GSE1: variants seen among roughly 807,000 people sequenced by gnomAD.
GSE1 encodes the protein Gse1 coiled-coil protein.
GSE1 carries 32 observed loss-of-function variants against 112.6 expected under a neutral mutation model. The ratio of observed to expected loss-of-function variants is 0.28; its 90% confidence interval spans 0.21 to 0.38. GSE1 has a LOEUF of 0.38. Among genes scored for constraint, GSE1 ranks in the 10% least tolerant of loss-of-function variants. The pLI is 1.00. For synonymous variants in GSE1, 1,115 were observed against 735.6 expected (o/e 1.52, Z -8.35); for missense variants, 2,348 against 1,699.2 (o/e 1.38, Z -6.71).
intron 1 of GSE1, among the ~76,000 whole-genome samples, chr16:85,207,207 G>GCA (rs757559515): frequency 2.3e-4 from 35 of 152,296 alleles, no homozygotes; most frequent in Non-Finnish European, 4.3e-4. Context: ...CCTCCCAAGG[G>GCA]CACTGCTCCC....
At chr16:85,629,925 GT>G (rs2049401311) in intron 1 of GSE1, among the ~76,000 whole-genome samples, 1 of 152,182 alleles carries the variant, frequency 6.6e-6, no homozygotes, top group Non-Finnish European at 1.5e-5. Flanking sequence ...CAAAACCTTT[GT>G]TATCTCAGTT....
intron 2 of GSE1, among the ~76,000 whole-genome samples, chr16:85,387,920 G>GTGGATGGATGGA (rs58007210): frequency 2.2e-4 from 33 of 149,076 alleles, no homozygotes; most frequent in African/African-American, 7.8e-4. Flanking sequence ...AGGTGGGTGA[G>GTGGATGGATGGA]TGGATGGATG....
At chr16:85,346,416 TG>T in intron 1 of GSE1, among the ~76,000 whole-genome samples, 1 of 75,236 alleles carries the variant, frequency 1.3e-5, no homozygotes, top group South Asian at 7.4e-4. Flanking sequence ...GGCGGGTGGA[TG>T]GGTGATGGAC....
At chr16:85,251,081 G>A (rs1384071334) in intron 1 of GSE1, among the ~76,000 whole-genome samples, 1 of 152,232 alleles carries the variant, frequency 6.6e-6, no homozygotes, top group Non-Finnish European at 1.5e-5. Flanking sequence ...TGTTTGGGCT[G>A]CTCCCACTCT....
intron 1 of GSE1, among the ~76,000 whole-genome samples, chr16:85,623,274 G>A (rs534318363): frequency 1.4e-5 from 2 of 147,620 alleles, no homozygotes; most frequent in African/African-American, 2.5e-5. Context: ...CAGTGCAGTC[G>A]CGCAATCACA....
At chr16:85,515,454 T>G (rs34335274) in intron 2 of GSE1, among the ~76,000 whole-genome samples, 49,692 of 152,050 alleles carry the variant, frequency 0.33, 8,305 homozygotes, top group East Asian at 0.49. Context: ...GGGGTCACCC[T>G]GAGAGTCTGC....
intron 1 of GSE1, among the ~76,000 whole-genome samples, chr16:85,244,527 A>G (rs1217227329): frequency 6.6e-6 from 1 of 152,198 alleles, no homozygotes; most frequent in Non-Finnish European, 1.5e-5. Flanking sequence ...CATTTGTTAC[A>G]ACAGCCACAG....
chr16:85,256,657 C>T (rs1907114540), intron 1 of GSE1, among the ~76,000 whole-genome samples: 1 of 152,290 alleles, frequency 6.6e-6, no homozygotes, highest in South Asian at 2.1e-4. Context: ...TGCCTGAACA[C>T]ACCCACCAGC....
At chr16:85,428,242 G>A (rs546988245) in intron 2 of GSE1, among the ~76,000 whole-genome samples, 37 of 152,264 alleles carry the variant, frequency 2.4e-4, no homozygotes, top group South Asian at 4.1e-4. Flanking sequence ...GTCCAGCCCC[G>A]GCCCTGGGCT....
intron 1 of GSE1, among the ~76,000 whole-genome samples, chr16:85,205,298 A>G (rs902955900): frequency 4.6e-5 from 7 of 151,800 alleles, no homozygotes; most frequent in African/African-American, 1.7e-4. Flanking sequence ...TGCCCAGCTA[A>G]TTTTTGTATT....
At chr16:85,651,652 G>T (rs998924827) in intron 3 of GSE1, among the ~76,000 whole-genome samples, 1 of 152,198 alleles carries the variant, frequency 6.6e-6, no homozygotes, top group Non-Finnish European at 1.5e-5. Flanking sequence ...GACCCTGGGT[G>T]CTGTCCTCAG....
intron 1 of GSE1, among the ~76,000 whole-genome samples, chr16:85,343,718 C>G (rs1192734316): frequency 6.6e-6 from 1 of 152,148 alleles, no homozygotes; most frequent in African/African-American, 2.4e-5. Flanking sequence ...CCACTGCACT[C>G]CAGCCTGGGC....
chr16:85,508,773 G>A (rs538655179), intron 2 of GSE1, among the ~76,000 whole-genome samples: 13 of 152,332 alleles, frequency 8.5e-5, no homozygotes, highest in South Asian at 2.1e-4. Context: ...AGCTAATCAC[G>A]CTTTGTCTTT....
In GSE1 at chr16:85,665,030, T is replaced by C. The variant is rs755905248; in HGVS notation, c.2660T>C (p.Val887Ala). The C allele has an allele frequency of 3.1e-5, 50 of 1,607,582 alleles. No homozygotes were observed. Among genetic ancestry groups the C allele is most frequent in the Admixed American group, 1.0e-4 (6 of 59,980 alleles). ...AEKRKDKERL[V>A]EMLRAMKQKA... is the part of the protein sequence containing the mutation. ...TTTCTCATAGACAAAGAGAGACTTG[T>C]TGAAATGCTCCGTGCCATGAAGCAG... Residue 887 changes from valine to alanine, a missense_variant, in exon 12 of 16, where the codon GTT (valine) becomes GCT (alanine). Val to Ala is a moderately conservative substitution (Grantham distance 64). Coordinates refer to ENST00000253458, the MANE Select transcript of GSE1 (RefSeq NM_014615.5).
chr16:85,556,000 C>T (rs1368605480), exon 1 of GSE1: 2 of 984,864 alleles, frequency 2.0e-6, no homozygotes, highest in Non-Finnish European at 2.4e-6. Context: ...AAAATACACA[C>T]GCGGCGAAGA....
At chr16:85,271,106 G>A (rs1908785818) in intron 1 of GSE1, among the ~76,000 whole-genome samples, 1 of 152,178 alleles carries the variant, frequency 6.6e-6, no homozygotes, top group African/African-American at 2.4e-5. Flanking sequence ...CAGAAGTACC[G>A]GGAGGTGAAT....
At chr16:85,618,952 CTG>C (rs1412479213) in intron 1 of GSE1, among the ~76,000 whole-genome samples, 1 of 152,262 alleles carries the variant, frequency 6.6e-6, no homozygotes, top group Non-Finnish European at 1.5e-5. Flanking sequence ...GCATGAGCCA[CTG>C]TGTCCAGCTT....
intron 1 of GSE1, among the ~76,000 whole-genome samples, chr16:85,589,992 A>T: frequency 6.6e-6 from 1 of 151,964 alleles, no homozygotes; most frequent in East Asian, 1.9e-4. Context: ...GCATGTGTGA[A>T]TGTGAGACTG....
At position 85,665,019 on chromosome 16, in the gene GSE1, A is replaced by G. The variant is rs1269287297; in HGVS notation, c.2649A>G (p.Lys883=). 1.3e-6 allele frequency: 2 copies of G among 1,596,756 alleles called. No homozygotes were observed. Among genetic ancestry groups the G allele is most frequent in the African/African-American group, 2.7e-5 (2 of 74,598 alleles). Residue 883 remains lysine, a synonymous_variant, in exon 12 of 16, where the codon AAA becomes AAG. Transcript: ENST00000253458. ...THISAEKRKD[K]ERLVEMLRAM... is the part of the protein sequence containing the mutation. ...CTCAGGCTGCTTTTCTCATAGACAA[A>G]GAGAGACTTGTTGAAATGCTCCGTG...
Sources: allele counts gnomAD v4.1 joint callset (sites outside exome capture counted in the v4.1 genomes callset), GRCh38; gene constraint gnomAD v4.1.1; transcripts MANE v1.5; gene names NCBI Gene and HGNC (gene_info 2026-07-23, HGNC 2026-07-21).